DIDO1: variants seen among roughly 807,000 people sequenced by gnomAD.
DIDO1 encodes death-inducer obliterator 1.
Under a neutral mutation model 99.4 loss-of-function variants are expected in DIDO1, and 16 were observed. The ratio of observed to expected loss-of-function variants is 0.16; its 90% CI spans 0.11 to 0.24. The LOEUF (loss-of-function observed/expected upper bound fraction) is 0.24. DIDO1 is among the 10% of genes least tolerant of loss of function. DIDO1 has a pLI of 1.00. For synonymous variants in DIDO1, 1,366 were observed against 1,239.1 expected (o/e 1.10, Z -2.15); for missense variants, 2,996 against 3,014.0 (o/e 0.99, Z 0.14).
At chr20:62,934,345 TC>T (rs1437664795) in intron 1 of DIDO1, among the ~76,000 whole-genome samples, 1 of 152,114 alleles carries the variant, frequency 6.6e-6, no homozygotes, top group African/African-American at 2.4e-5. Flanking sequence ...ATTCACCTGC[TC>T]CCCTGGCATC....
Position 62,911,719 on chromosome 20 carries a change from G to C in DIDO1, c.-2-105C>G. 2 of 1,004,006 alleles carry C rather than the reference G, an allele frequency of 2.0e-6. No individual in the cohort carries two copies. The highest frequency in any genetic ancestry group is 2.8e-6 in the Non-Finnish European group (2 of 702,444). The allele number at this position is 1,004,006 out of a possible 1,614,324, so 62.2% of individuals were successfully genotyped here. On this transcript the variant is annotated intron_variant, in intron 2 of 15. Coordinates refer to ENST00000395343, the MANE Select transcript of DIDO1 (RefSeq NM_001193369.2). This position sits in a 1 kb window ranked among gnomAD's most constrained non-coding sequence, Gnocchi z 7.0. ...GGGCCACCTCCCTACAAACAGTGGA[G>C]CTCTACATAAAGCAAGTCCTTCTGA...
chr20:62,903,051 A>C (rs954606695), intron 6 of DIDO1, among the ~76,000 whole-genome samples: 2 of 152,232 alleles, frequency 1.3e-5, no homozygotes, highest in African/African-American at 4.8e-5. Flanking sequence ...AAATAAAGAG[A>C]AAAAAATGGA....
chr20:62,928,246 AAG>A (rs1222715795), upstream of DIDO1, among the ~76,000 whole-genome samples: 7 of 152,316 alleles, frequency 4.6e-5, no homozygotes, highest in East Asian at 1.3e-3. Flanking sequence ...AGGGAATAGA[AAG>A]AGTGGACAAG....
rs534453348 is a variant in DIDO1, at chr20:62,923,654, C to G, written c.-200+2785G>C. Among the ~76,000 whole-genome samples the G allele has an allele frequency of 6.0e-4, 91 of 152,284 alleles. 1 individual carries two copies. Among genetic ancestry groups the G allele is most frequent in the Non-Finnish European group, 1.1e-3 (78 of 68,020 alleles). ...TTCTGGACAGCACCCTTTCTAGTGT[C>G]TTTACTTTCTATTTTTACATAATGT... On this transcript the variant is annotated intron_variant, in intron 1 of 15. Transcript: ENST00000395343.
intron 2 of DIDO1, among the ~76,000 whole-genome samples, chr20:62,912,229 A>G (rs1601004592): frequency 6.6e-6 from 1 of 152,114 alleles, no homozygotes; most frequent in South Asian, 2.1e-4. Flanking sequence ...ACTATCTGGG[A>G]CCCTCCATAC....
At position 62,935,167 on chromosome 20, in the gene DIDO1, T is replaced by C. The variant is rs1259017203; in HGVS notation, c.-200+2629A>G. Reference sequence around the variant, plus strand: ...GCCACCACCTCATCAGCTGGGCTACTCACCCGCATCACTCTGGTCTTCCTT... The same window carrying C: ...GCCACCACCTCATCAGCTGGGCTACCCACCCGCATCACTCTGGTCTTCCTT... On this transcript the variant is annotated intron_variant, in intron 1 of 15. Coordinates refer to the DIDO1 transcript ENST00000266070. Among the ~76,000 whole-genome samples, 6 of 152,190 alleles carry C rather than the reference T, an allele frequency of 3.9e-5. No homozygotes were observed. In the East Asian group the frequency reaches 1.2e-3, roughly 29 times the overall value.
intron 15 of DIDO1, among the ~76,000 whole-genome samples, chr20:62,883,954 C>T (rs921946177): frequency 3.1e-4 from 47 of 152,248 alleles, no homozygotes; most frequent in Admixed American, 1.6e-3. Flanking sequence ...TGCAGTGAGC[C>T]GAGATCGTGC....
intron 1 of DIDO1, among the ~76,000 whole-genome samples, chr20:62,920,627 TG>T (rs1394834453): frequency 1.3e-5 from 2 of 152,238 alleles, no homozygotes; most frequent in Non-Finnish European, 2.9e-5. Flanking sequence ...TCTCAAAGCG[TG>T]GTCCAGGGGT....
intron 15 of DIDO1, chr20:62,889,334 G>A: frequency 1.0e-6 from 1 of 984,182 alleles, no homozygotes; most frequent in African/African-American, 1.8e-5. Flanking sequence ...GGAACCCGGT[G>A]CCCGGCATGC....
At chr20:62,908,583 A>G (rs570843504) in intron 4 of DIDO1, among the ~76,000 whole-genome samples, 1 of 152,364 alleles carries the variant, frequency 6.6e-6, no homozygotes, top group Non-Finnish European at 1.5e-5. Flanking sequence ...CACATACTTA[A>G]GCGAAACCTT....
At chr20:62,893,092 C>T (rs1033153229) in intron 12 of DIDO1, 130 bp from the exon 13 acceptor site, 16 of 990,040 alleles carry the variant, frequency 1.6e-5, no homozygotes, top group East Asian at 2.6e-5. Flanking sequence ...GGTGGTGCAA[C>T]ACAGCTGGCT....
chr20:62,906,181 G>T (rs2064800418), intron 5 of DIDO1, 81 bp from the exon 6 acceptor site: 3 of 1,513,364 alleles, frequency 2.0e-6, no homozygotes, highest in Non-Finnish European at 2.7e-6. Context: ...GATGAAGGCG[G>T]GGACCCAATG....
In DIDO1 at chr20:62,894,711, C is replaced by T; in HGVS notation, c.2436+99G>A. 6 of 1,413,064 alleles carry T rather than the reference C, an allele frequency of 4.2e-6. No individual in the cohort carries two copies. Among genetic ancestry groups the T allele is most frequent in the Non-Finnish European group, 5.7e-6 (6 of 1,047,862 alleles). The allele number at this position is 1,413,064 out of a possible 1,614,324, so 87.5% of individuals were successfully genotyped here. On this transcript the variant is annotated intron_variant, in intron 10 of 15. Transcript: ENST00000395343. The surrounding 1 kb of genome is among the most constrained non-coding windows in gnomAD (Gnocchi z 4.4). ...GGAATGCCACAATGACATACACCTG[C>T]TGTAAGCTCAGGTCCTGCCCAATAA...
Position 62,881,289 on chromosome 20 carries a change from T to C in DIDO1, c.4667A>G (p.Asn1556Ser), listed in dbSNP as rs549525535. Residue 1556 changes from asparagine (N) to serine (S), a missense_variant, in exon 16 of 16, where the codon AAC (asparagine) becomes AGC (serine). Transcript: ENST00000395343. This position sits in a 1 kb window ranked among gnomAD's most constrained non-coding sequence, Gnocchi z 8.3. ...CCTCGCCTGCCGGGGGTCCCTGTGGTTTGACGCCTGGCTGGCGGGGGGCAG... is the reference window on the plus strand; with the variant it reads ...CCTCGCCTGCCGGGGGTCCCTGTGGCTTGACGCCTGGCTGGCGGGGGGCAG... ...ASLPPASQASNHRDPRQARRL... is the reference protein window; with the variant it reads ...ASLPPASQASSHRDPRQARRL... The C allele has an allele frequency of 3.1e-6, 5 of 1,604,904 alleles. No individual in the cohort carries two copies. The highest frequency in any genetic ancestry group is 2.5e-6 in the Non-Finnish European group (3 of 1,179,640).
intron 15 of DIDO1, chr20:62,887,375 A>C: frequency 1.0e-6 from 1 of 985,496 alleles, no homozygotes; most frequent in South Asian, 4.7e-5. Context: ...AGAATTTCTC[A>C]GCTAATTTAG....
At chr20:62,885,203 G>A (rs944420470) in intron 15 of DIDO1, among the ~76,000 whole-genome samples, 2 of 152,216 alleles carry the variant, frequency 1.3e-5, no homozygotes, top group African/African-American at 2.4e-5. Context: ...TCTGCCTGCA[G>A]AACCTGACAC....
intron 15 of DIDO1, chr20:62,888,855 G>A (rs2064343971): frequency 1.0e-6 from 1 of 985,480 alleles, no homozygotes; most frequent in Non-Finnish European, 1.2e-6. Flanking sequence ...ACGCATTCAT[G>A]TCAACAAGGA....
intron 15 of DIDO1, chr20:62,887,871 G>GCCCC (rs958835978): frequency 9.1e-6 from 9 of 985,480 alleles, no homozygotes; most frequent in African/African-American, 1.7e-5. Flanking sequence ...CCTCCCAGCT[G>GCCCC]CCCCCCACCG....
chr20:62,879,320 C>A lies in DIDO1; in HGVS notation c.6636G>T (p.Lys2212Asn). Reference protein sequence around the residue: ...ARDRERGRDRKDRSKSKESAR... With the variant: ...ARDRERGRDRNDRSKSKESAR... The stretch of plus-strand genomic sequence containing the variant: ...CGCTCTCTTTGCTCTTGCTCCGGTC[C>A]TTGCGGTCGCGGCCCCGCTCCCTGT... Residue 2212 changes from lysine (K) to asparagine (N), a missense_variant, in exon 16 of 16, where the codon AAG becomes AAT. Coordinates refer to ENST00000395343, the MANE Select transcript of DIDO1 (RefSeq NM_001193369.2). This position sits in a 1 kb window ranked among gnomAD's most constrained non-coding sequence, Gnocchi z 6.3. The A allele has an allele frequency of 6.4e-7, 1 of 1,567,744 alleles. No individual in the cohort carries two copies.
Sources: gnomAD v4.1 joint callset for allele counts (sites outside exome capture counted in the v4.1 genomes callset) on GRCh38, gnomAD v4.1.1 for gene constraint, Gnocchi (gnomAD v3.1) non-coding constraint, MANE v1.5 for transcripts, NCBI Gene and HGNC (gene_info 2026-07-23, HGNC 2026-07-21) for gene names.